The following RGS6 variants were observed in gnomAD, a reference collection of about 807,000 sequenced individuals.
RGS6 encodes the protein regulator of G-protein signaling 6.
Under a neutral mutation model 78.5 loss-of-function variants are expected in RGS6, and 30 were observed. That is an observed-to-expected ratio of 0.38 (90% CI 0.29 to 0.52). RGS6 has a LOEUF of 0.52. RGS6 is among the 20% of genes least tolerant of loss of function. RGS6 has a pLI of 0.85. For synonymous variants in RGS6, 206 were observed against 206.0 expected (o/e 1.00, Z 0.00); for missense variants, 495 against 609.7 (o/e 0.81, Z 1.98).
the RGS6 span, among the ~76,000 whole-genome samples, chr14:71,875,022 A>T: frequency 5.3e-5 from 8 of 152,088 alleles, no homozygotes; most frequent in African/African-American, 1.7e-4. Flanking sequence ...AAGCTTTTTG[A>T]TGTGCTACTG....
chr14:72,394,776 C>T (rs191277293), intron 3 of RGS6, among the ~76,000 whole-genome samples: 9 of 152,072 alleles, frequency 5.9e-5, no homozygotes, highest in Admixed American at 1.3e-4. Flanking sequence ...CCTCAGCTTA[C>T]GAAGATGACA....
At chr14:72,175,377 A>G (rs544034230) in intron 2 of RGS6, among the ~76,000 whole-genome samples, 1 of 152,336 alleles carries the variant, frequency 6.6e-6, no homozygotes, top group African/African-American at 2.4e-5. Context: ...CATAGCCTGT[A>G]CCAATAATCA....
At chr14:72,194,004 C>T (rs2039392290) in intron 2 of RGS6, among the ~76,000 whole-genome samples, 2 of 152,050 alleles carry the variant, frequency 1.3e-5, no homozygotes, top group Admixed American at 1.3e-4. Context: ...ACCATTCTGA[C>T]CGTCATGTGC....
At chr14:72,294,445 A>C (rs1307916504) in intron 2 of RGS6, among the ~76,000 whole-genome samples, 1 of 152,196 alleles carries the variant, frequency 6.6e-6, no homozygotes, top group Admixed American at 6.5e-5. Context: ...ATTATTACCA[A>C]AGCCATAGTC....
At position 72,088,910 on chromosome 14, in the gene RGS6, C is replaced by T. The variant is rs569085513; in HGVS notation, c.84+124035C>T. Reference sequence around the variant, plus strand: ...CATATGCCATTTCCCCTGTCAAGAACGTTCCTGCTCTAGGTCTTCGCAAAG... The same window carrying T: ...CATATGCCATTTCCCCTGTCAAGAATGTTCCTGCTCTAGGTCTTCGCAAAG... On this transcript the variant is annotated intron_variant, in intron 2 of 17. Transcript: ENST00000553525. 7.9e-5 allele frequency among the ~76,000 whole-genome samples: 12 copies of T among 152,364 alleles called. No individual in the cohort carries two copies. In the East Asian group the frequency reaches 9.6e-4, roughly 12 times the overall value.
chr14:71,950,817 A>T (rs906996041), intron 1 of RGS6, among the ~76,000 whole-genome samples: 1 of 152,222 alleles, frequency 6.6e-6, no homozygotes, highest in Non-Finnish European at 1.5e-5. Context: ...AAAGATTAAC[A>T]TCACTGATCA....
chr14:72,122,760 T>TTCTA (rs1328179951), intron 2 of RGS6, among the ~76,000 whole-genome samples: 2 of 149,980 alleles, frequency 1.3e-5, no homozygotes, highest in African/African-American at 5.0e-5. Context: ...TTTTTTTCCA[T>TTCTA]TCTATATACT....
intron 2 of RGS6, among the ~76,000 whole-genome samples, chr14:72,039,151 T>A (rs1475879903): frequency 6.6e-6 from 1 of 152,224 alleles, no homozygotes; most frequent in African/African-American, 2.4e-5. Flanking sequence ...ATTCATCTCA[T>A]ACTCAGTGAA....
chr14:71,872,625 T>A, the RGS6 span, among the ~76,000 whole-genome samples: 2 of 152,164 alleles, frequency 1.3e-5, no homozygotes, highest in Non-Finnish European at 2.9e-5. Context: ...ATCAGTAAGT[T>A]TTTTTTGTGA....
intron 1 of RGS6, among the ~76,000 whole-genome samples, chr14:71,964,192 A>G (rs2093377784): frequency 6.6e-6 from 1 of 152,208 alleles, no homozygotes; most frequent in African/African-American, 2.4e-5. Context: ...GATTGGCTTC[A>G]ACTGTCTTCA....
At chr14:72,006,707 G>A (rs770213740) in intron 2 of RGS6, among the ~76,000 whole-genome samples, 1 of 152,152 alleles carries the variant, frequency 6.6e-6, no homozygotes, top group Non-Finnish European at 1.5e-5. Flanking sequence ...CAGAAAATAC[G>A]TGAAACAATA....
intron 2 of RGS6, among the ~76,000 whole-genome samples, chr14:72,284,881 C>T (rs567406006): frequency 1.1e-4 from 17 of 152,310 alleles, no homozygotes; most frequent in Admixed American, 7.2e-4. Context: ...CTTGCATCGG[C>T]GTGACCTGAA....
intron 2 of RGS6, among the ~76,000 whole-genome samples, chr14:72,133,255 C>T (rs1268835941): frequency 1.3e-5 from 2 of 152,090 alleles, no homozygotes; most frequent in African/African-American, 4.8e-5. Flanking sequence ...CCTACCTTGC[C>T]TTGCTCCTCC....
At chr14:72,617,767 G>C in the RGS6 span, among the ~76,000 whole-genome samples, 1 of 152,186 alleles carries the variant, frequency 6.6e-6, no homozygotes, top group Non-Finnish European at 1.5e-5. Context: ...GGCCCAACTA[G>C]CCCGAGTCTC....
chr14:72,219,588 A>G (rs1459744131), intron 2 of RGS6, among the ~76,000 whole-genome samples: 1 of 152,028 alleles, frequency 6.6e-6, no homozygotes, highest in African/African-American at 2.4e-5. Context: ...TTTTCTCATC[A>G]ATTCTTAGAA....
At chr14:72,124,377 T>C (rs1221341961) in intron 2 of RGS6, among the ~76,000 whole-genome samples, 3 of 152,132 alleles carry the variant, frequency 2.0e-5, no homozygotes, top group African/African-American at 7.2e-5. Context: ...TTTTTCTTAA[T>C]AACGAACACA....
chr14:72,045,425 G>T (rs774789626), intron 2 of RGS6, among the ~76,000 whole-genome samples: 3 of 152,180 alleles, frequency 2.0e-5, no homozygotes, highest in Non-Finnish European at 4.4e-5. Flanking sequence ...AGTATTTGCT[G>T]TAGCTGTAGG....
At chr14:71,945,606 T>A (rs1222024940) in intron 1 of RGS6, among the ~76,000 whole-genome samples, 1 of 152,220 alleles carries the variant, frequency 6.6e-6, no homozygotes, top group Non-Finnish European at 1.5e-5. Flanking sequence ...TATGGGGTCA[T>A]CTGACTCATT....
intron 2 of RGS6, among the ~76,000 whole-genome samples, chr14:72,048,678 TC>T (rs1442567695): frequency 1.3e-5 from 2 of 151,876 alleles, no homozygotes; most frequent in Non-Finnish European, 2.9e-5. Flanking sequence ...AGCGACACTT[TC>T]TTTTTGCAGA....
Sources: gnomAD v4.1 joint callset for allele counts (sites outside exome capture counted in the v4.1 genomes callset) on GRCh38, gnomAD v4.1.1 for gene constraint, MANE v1.5 for transcripts, NCBI Gene and HGNC (gene_info 2026-07-23, HGNC 2026-07-21) for gene names.